The following TNPO3 variants were observed in gnomAD, a reference collection of about 807,000 sequenced individuals.
TNPO3 encodes transportin-3.
A neutral mutation model predicts 122.8 loss-of-function variants in TNPO3; 65 were observed. That is an observed-to-expected ratio of 0.53 (90% confidence interval 0.43 to 0.65). The LOEUF is 0.65. Ranked by LOEUF, TNPO3 falls within the 30% of genes least tolerant of loss-of-function variation. The pLI is 0.00. For missense variants in TNPO3, 850 were observed against 1,136.7 expected (o/e 0.75, Z 3.63); for synonymous variants, 372 against 411.2 (o/e 0.90, Z 1.15).
intron 4 of TNPO3, among the ~76,000 whole-genome samples, chr7:129,007,165 A>T (rs1012200139): frequency 6.6e-6 from 1 of 152,212 alleles, no homozygotes. Context: ...TATGAAACAG[A>T]TACTATTATC....
chr7:128,957,185 C>T (rs1796983648), intron 22 of TNPO3, 39 bp downstream of exon 22: 14 of 1,575,898 alleles, frequency 8.9e-6, no homozygotes, highest in Admixed American at 3.3e-5. Flanking sequence ...CCCAACAGTC[C>T]GACAGTCCGG....
chr7:129,010,774 G>A (rs1232960351), intron 4 of TNPO3, among the ~76,000 whole-genome samples: 2 of 152,018 alleles, frequency 1.3e-5, no homozygotes, highest in Non-Finnish European at 2.9e-5. Context: ...AATCCTCTAA[G>A]CCTCTCAGTT....
At chr7:129,023,754 C>A (rs147230534) in intron 1 of TNPO3, among the ~76,000 whole-genome samples, 68 of 152,232 alleles carry the variant, frequency 4.5e-4, no homozygotes, top group Non-Finnish European at 7.4e-4. Flanking sequence ...GTAAAAATCA[C>A]GTATTTATCT....
intron 6 of TNPO3, 148 bp downstream of exon 6, chr7:129,000,911 G>C: frequency 2.1e-6 from 2 of 937,898 alleles, no homozygotes; most frequent in Non-Finnish European, 3.1e-6. Context: ...AGGTTCAGAA[G>C]AGCATAGTAG....
chr7:129,043,381 C>T (rs753826480), intron 1 of TNPO3, among the ~76,000 whole-genome samples: 8 of 152,020 alleles, frequency 5.3e-5, no homozygotes, highest in East Asian at 1.9e-4. Flanking sequence ...CTCCAGACTG[C>T]GTGACAGAGT....
At chr7:129,017,553 G>A (rs959281877) in intron 2 of TNPO3, among the ~76,000 whole-genome samples, 6 of 152,258 alleles carry the variant, frequency 3.9e-5, no homozygotes, top group East Asian at 1.9e-4. Context: ...ATGTGAGTAC[G>A]TACTCACAGA....
At position 128,992,041 on chromosome 7, in the gene TNPO3, G is replaced by T; in HGVS notation, c.1316C>A (p.Ala439Glu). The T allele has an allele frequency of 6.2e-7, 1 of 1,610,804 alleles. No homozygotes were observed. The highest frequency in any genetic ancestry group is 8.5e-7 in the Non-Finnish European group (1 of 1,178,460). Residue 439 changes from alanine to glutamate, a missense_variant, in exon 10 of 23, where the codon GCG becomes GAG. Ala to Glu is a moderately radical substitution (Grantham distance 107). Transcript: ENST00000265388. ...TATAGCAGCCATGATAAAGAGAACC[G>T]CTTCTGTCACCTCCCAGGGTGGGTT... ...EGNPPWEVTE[A>E]VLFIMAAIAK...
chr7:129,044,468 A>G (rs973545829), intron 1 of TNPO3, among the ~76,000 whole-genome samples: 4 of 152,252 alleles, frequency 2.6e-5, no homozygotes, highest in Admixed American at 2.6e-4. Context: ...ACCCACCAAA[A>G]GGAAAAATAC....
At position 129,054,749 on chromosome 7, in the gene TNPO3, A is replaced by AT; in HGVS notation, c.21dup (p.Leu8IlefsTer70). ...TGCACTGCCTGGTACACGAGCTGCAATGTCGGCTTTGCTCCTTCCATGGTG... is the reference window on the plus strand; with the variant it reads ...TGCACTGCCTGGTACACGAGCTGCAATTGTCGGCTTTGCTCCTTCCATGGTG... On this transcript the variant is annotated frameshift_variant, in exon 1 of 23. Coordinates refer to ENST00000265388, the MANE Select transcript of TNPO3 (RefSeq NM_012470.4). LOFTEE classifies it high-confidence loss of function. The AT allele has an allele frequency of 6.2e-7, 1 of 1,614,132 alleles. No individual in the cohort carries two copies. Among genetic ancestry groups the AT allele is most frequent in the Non-Finnish European group, 8.5e-7 (1 of 1,180,000 alleles).
intron 1 of TNPO3, among the ~76,000 whole-genome samples, chr7:129,020,596 C>CAG (rs755824600): frequency 4.9e-4 from 74 of 152,240 alleles, no homozygotes; most frequent in Middle Eastern, 3.4e-3. Flanking sequence ...TCTGCTACCA[C>CAG]ACCCGGCTAA....
rs575148107 is a variant in TNPO3 at position 129,017,442 on chromosome 7, C to T, written c.322-386G>A. Among the ~76,000 whole-genome samples, 4 of 152,310 alleles carry T rather than the reference C, an allele frequency of 2.6e-5. No homozygotes were observed. The East Asian group carries it at 7.7e-4, about 29-fold the overall frequency. On this transcript the variant is annotated intron_variant, in intron 2 of 22. Coordinates refer to ENST00000265388, the MANE Select transcript of TNPO3 (RefSeq NM_012470.4). ...AAAGTCAGACCTTTGACTCAGTTCTCAAGTAATGGATTGCCATTTCCCTTC... is the reference window on the plus strand; with the variant it reads ...AAAGTCAGACCTTTGACTCAGTTCTTAAGTAATGGATTGCCATTTCCCTTC...
intron 3 of TNPO3, among the ~76,000 whole-genome samples, chr7:129,016,426 G>A (rs994938274): frequency 4.6e-5 from 7 of 152,108 alleles, no homozygotes; most frequent in South Asian, 4.1e-4. Flanking sequence ...TAAGTTATCC[G>A]TAAAATGCTT....
At chr7:128,992,134 A>G (rs749046581) in intron 9 of TNPO3, 44 bp from the exon 10 acceptor site, 1 of 1,167,596 alleles carries the variant, frequency 8.6e-7, no homozygotes, top group Non-Finnish European at 1.2e-6. Context: ...AAAGGAAAAC[A>G]GAATGCCAAA....
intron 1 of TNPO3, among the ~76,000 whole-genome samples, chr7:129,037,681 C>T (rs1452884259): frequency 6.6e-6 from 1 of 152,134 alleles, no homozygotes; most frequent in East Asian, 1.9e-4. Flanking sequence ...TGACTGAACC[C>T]TTCCCTGAAC....
chr7:129,015,703 T>C (rs898134123), intron 3 of TNPO3, among the ~76,000 whole-genome samples: 1 of 152,016 alleles, frequency 6.6e-6, no homozygotes, highest in Non-Finnish European at 1.5e-5. Flanking sequence ...CATGGTGGTA[T>C]GCATCTGTAA....
At chr7:128,987,243 T>C (rs775257600) in intron 11 of TNPO3, among the ~76,000 whole-genome samples, 10 of 152,170 alleles carry the variant, frequency 6.6e-5, no homozygotes, top group Admixed American at 6.5e-4. Flanking sequence ...ATTAAGAATA[T>C]GGCAATGTAA....
chr7:129,022,315 T>C (rs369028720), intron 1 of TNPO3, among the ~76,000 whole-genome samples: 2 of 152,076 alleles, frequency 1.3e-5, no homozygotes, highest in African/African-American at 4.8e-5. Context: ...GCCCAGGAGT[T>C]TTGAGGTTAT....
Position 129,018,138 on chromosome 7 carries a change from G to A in TNPO3, c.140C>T (p.Ser47Leu). 6.2e-7 allele frequency: 1 copy of A among 1,614,132 alleles called. No individual in the cohort carries two copies. Among genetic ancestry groups the A allele is most frequent in the Non-Finnish European group, 8.5e-7 (1 of 1,180,024 alleles). ...CTGCCGGATCTGTAACAACTGGTCT[G>A]AGATCTCCCATGCATGAACCTGAAA... ...LQRSVHAWEI[S>L]DQLLQIRQDV... The change falls in exon 2 of 23, where the codon TCA becomes TTA. Residue 47 changes from serine to leucine, a missense_variant. Transcript: ENST00000265388.
At chr7:129,024,300 C>T (rs1804863030) in intron 1 of TNPO3, among the ~76,000 whole-genome samples, 1 of 152,156 alleles carries the variant, frequency 6.6e-6, no homozygotes, top group Admixed American at 6.5e-5. Flanking sequence ...GTCATTCCCA[C>T]CAGACTGTCA....
Sources: gnomAD v4.1 joint callset for allele counts (sites outside exome capture counted in the v4.1 genomes callset) on GRCh38, gnomAD v4.1.1 for gene constraint, MANE v1.5 for transcripts, NCBI Gene and HGNC (gene_info 2026-07-23, HGNC 2026-07-21) for gene names.